The following NADK2 variants were observed in gnomAD, a reference collection of about 807,000 sequenced individuals.
The protein encoded by NADK2 is NAD kinase 2, mitochondrial.
A neutral mutation model predicts 62.1 loss-of-function variants in NADK2; 35 were observed. The observed-to-expected ratio is 0.56, with a 90% CI of 0.43 to 0.75. The LOEUF (loss-of-function observed/expected upper bound fraction) is 0.75, where lower values mean the gene tolerates loss of function less well. Ranked by LOEUF, NADK2 falls within the 30% of genes least tolerant of loss-of-function variation. The pLI is 0.00. For missense variants in NADK2, 439 were observed against 561.3 expected (o/e 0.78, Z 2.20); for synonymous variants, 205 against 207.9 (o/e 0.99, Z 0.12).
intron 10 of NADK2, 74 bp downstream of exon 10, chr5:36,200,150 AAAC>A (rs1579596550): frequency 2.9e-6 from 3 of 1,042,892 alleles, no homozygotes; most frequent in Non-Finnish European, 4.0e-6. Context: ...TTTGCTAATT[AAAC>A]AACACTTCAC....
chr5:36,211,383 C>G (rs1021608123), intron 7 of NADK2, among the ~76,000 whole-genome samples: 1 of 151,888 alleles, frequency 6.6e-6, no homozygotes, highest in Non-Finnish European at 1.5e-5. Flanking sequence ...TGGTGAAACC[C>G]CATCTCTACT....
At chr5:36,239,529 A>G (rs1748031664) in intron 1 of NADK2, among the ~76,000 whole-genome samples, 1 of 152,234 alleles carries the variant, frequency 6.6e-6, no homozygotes, top group African/African-American at 2.4e-5. Context: ...ATTACCTAGC[A>G]ATAGACAAAT....
At chr5:36,217,727 T>C in intron 6 of NADK2, 21 bp downstream of exon 6, 1 of 1,613,462 alleles carries the variant, frequency 6.2e-7, no homozygotes. Flanking sequence ...CCCAAACACA[T>C]CTGATGCCCA....
At position 36,211,947 on chromosome 5, in the gene NADK2, A is replaced by C. The variant is rs1415726988; in HGVS notation, c.782-25T>G. On this transcript the variant is annotated intron_variant, in intron 6 of 11. Coordinates refer to ENST00000381937, the MANE Select transcript of NADK2 (RefSeq NM_001085411.3). ...CCTGCATGTAATTTAAGACAAAGAA[A>C]ATCCAAGATAGCTCCTTGATTTCTA... 4 of 1,534,932 alleles carry C rather than the reference A, an allele frequency of 2.6e-6. No homozygotes were observed. In the African/African-American group the frequency reaches 5.5e-5, roughly 21 times the overall value.
chr5:36,241,300 T>G lies in NADK2; in HGVS notation c.300+199A>C. 4 of 1,081,196 alleles carry G rather than the reference T, an allele frequency of 3.7e-6. No homozygotes were observed. The highest frequency in any genetic ancestry group is 4.9e-6 in the Non-Finnish European group (4 of 824,622). The allele number at this position is 1,081,196 out of a possible 1,614,324, so 67.0% of individuals were successfully genotyped here. A position where few individuals can be genotyped will look rare whatever the true frequency, so the allele number is the denominator to read the frequency against. ...CTCTCTCTCCCCCTCTCCCCGGCCC[T>G]GCCTCTCCCTCGCACACACGCCCAA... On this transcript the variant is annotated intron_variant, in intron 1 of 11. Transcript: ENST00000381937. The surrounding 1 kb of genome is among the most constrained non-coding windows in gnomAD (Gnocchi z 4.9).
At chr5:36,200,618 G>A (rs1746407692) in intron 9 of NADK2, among the ~76,000 whole-genome samples, 2 of 151,942 alleles carry the variant, frequency 1.3e-5, no homozygotes, top group Admixed American at 6.6e-5. Context: ...ACATCATTCT[G>A]AGTAGCATGG....
chr5:36,236,071 G>A (rs1483935468), intron 1 of NADK2, among the ~76,000 whole-genome samples: 2 of 151,950 alleles, frequency 1.3e-5, no homozygotes, highest in Admixed American at 6.6e-5. Context: ...ACAACTATTA[G>A]AAGTTAATTT....
intron 7 of NADK2, among the ~76,000 whole-genome samples, chr5:36,207,566 C>T (rs967126738): frequency 1.3e-5 from 2 of 151,912 alleles, no homozygotes; most frequent in African/African-American, 4.8e-5. Context: ...TGCTTTTGCT[C>T]TTATGGAATC....
At chr5:36,200,073 C>G (rs1436110260) in intron 10 of NADK2, among the ~76,000 whole-genome samples, 154 bp downstream of exon 10, 1 of 151,892 alleles carries the variant, frequency 6.6e-6, no homozygotes, top group African/African-American at 2.4e-5. Flanking sequence ...CAACTTTAAT[C>G]TTTATGTTGC....
Position 36,205,108 on chromosome 5 carries a change from TGCATAAAAAGATTAA to T in NADK2, c.956+2047_956+2061del, listed in dbSNP as rs1202755101. On this transcript the variant is annotated intron_variant, in intron 8 of 11. Coordinates refer to ENST00000381937, the MANE Select transcript of NADK2 (RefSeq NM_001085411.3). This position sits in a 1 kb window ranked among gnomAD's most constrained non-coding sequence, Gnocchi z 4.1. Reference sequence around the variant, plus strand: ...TTGAGTGAATATATATAAGGTACTGTGCATAAAAAGATTAAGCAGGAAAAAAAAACCCCTCTAGTC... The same window carrying T: ...TTGAGTGAATATATATAAGGTACTGTGCAGGAAAAAAAAACCCCTCTAGTC... Among the ~76,000 whole-genome samples, 1 of 151,960 alleles carries T rather than the reference TGCATAAAAAGATTAA, an allele frequency of 6.6e-6. No individual in the cohort carries two copies. Among genetic ancestry groups the T allele is most frequent in the Non-Finnish European group, 1.5e-5 (1 of 67,946 alleles).
intron 11 of NADK2, among the ~76,000 whole-genome samples, chr5:36,195,676 A>G (rs1473267704): frequency 2.6e-5 from 4 of 152,216 alleles, no homozygotes; most frequent in Non-Finnish European, 4.4e-5. Context: ...GTAATTATGT[A>G]TACAGGTATA....
intron 6 of NADK2, among the ~76,000 whole-genome samples, chr5:36,216,422 A>G (rs2362976): frequency 0.011 from 1,736 of 152,172 alleles, 23 homozygotes; most frequent in South Asian, 0.044. Flanking sequence ...CTTTTGTTTA[A>G]TATAGTTCCA....
chr5:36,228,794 AT>A (rs1225292777), intron 1 of NADK2, among the ~76,000 whole-genome samples: 7 of 145,606 alleles, frequency 4.8e-5, no homozygotes, highest in South Asian at 2.2e-4. Flanking sequence ...AATTTATTTT[AT>A]TTTTTTTTTT....
chr5:36,226,056 A>G (rs191667958), intron 3 of NADK2, among the ~76,000 whole-genome samples: 53 of 152,360 alleles, frequency 3.5e-4, no homozygotes, highest in Non-Finnish European at 6.6e-4. Context: ...CCTGCTGTCA[A>G]CTTAAAGCTT....
chr5:36,219,714 G>T, intron 4 of NADK2, 35 bp from the exon 5 acceptor site: 1 of 1,553,922 alleles, frequency 6.4e-7, no homozygotes, highest in Non-Finnish European at 8.8e-7. Context: ...GTGATATAAA[G>T]AGGAAAAGAA....
chr5:36,209,632 A>G (rs560028915), intron 7 of NADK2, among the ~76,000 whole-genome samples: 1 of 152,134 alleles, frequency 6.6e-6, no homozygotes, highest in Non-Finnish European at 1.5e-5. Flanking sequence ...ACTACCACAT[A>G]GTATCTATAA....
chr5:36,213,618 C>CATATATATATATATACATATATATATAT (rs58371779), intron 6 of NADK2, among the ~76,000 whole-genome samples: 4 of 107,536 alleles, frequency 3.7e-5, no homozygotes, highest in African/African-American at 8.8e-5. Context: ...TATATGCATG[C>CATATATATATATATACATATATATATAT]ATATATATAT....
At chr5:36,196,299 C>A (rs1225758772) in intron 11 of NADK2, among the ~76,000 whole-genome samples, 3 of 152,128 alleles carry the variant, frequency 2.0e-5, no homozygotes, top group African/African-American at 7.2e-5. Flanking sequence ...TTCCTCCTTG[C>A]CAACAATTGG....
At chr5:36,208,953 T>A (rs1746741769) in intron 7 of NADK2, among the ~76,000 whole-genome samples, 1 of 152,088 alleles carries the variant, frequency 6.6e-6, no homozygotes, top group African/African-American at 2.4e-5. Flanking sequence ...ATTTTGTCAC[T>A]AATAAATACA....
Sources: gnomAD v4.1 joint callset for allele counts (sites outside exome capture counted in the v4.1 genomes callset) on GRCh38, gnomAD v4.1.1 for gene constraint, Gnocchi (gnomAD v3.1) non-coding constraint, MANE v1.5 for transcripts, NCBI Gene and HGNC (gene_info 2026-07-23, HGNC 2026-07-21) for gene names.